CD274: variants seen among roughly 807,000 people sequenced by gnomAD.
CD274 encodes programmed cell death 1 ligand 1.
CD274 carries 8 observed loss-of-function variants against 30.1 expected under a neutral mutation model. The observed-to-expected ratio is 0.27, with a 90% CI of 0.16 to 0.48. The LOEUF is 0.48. Ranked by LOEUF, CD274 falls within the 20% of genes least tolerant of loss-of-function variation. The pLI is 0.99. For synonymous variants in CD274, 152 were observed against 124.6 expected, an observed-to-expected ratio of 1.22 and a Z score of -1.46; for missense variants, 353 against 346.6, an observed-to-expected ratio of 1.02 and a Z score of -0.15.
At position 5,467,742 on chromosome 9, in the gene CD274, C is replaced by G. The variant is rs543609720; in HGVS notation, c.851-98C>G. ...CTCTCATTTCAAATTTATCATTTAT[C>G]ATATCAGCAACTATGAGTTATGTTT... On this transcript the variant is annotated intron_variant, in intron 6 of 6. Transcript: ENST00000381577. The G allele has an allele frequency of 1.4e-5, 13 of 950,130 alleles. No individual in the cohort carries two copies. In the African/African-American group the frequency reaches 1.9e-4, roughly 14 times the overall value. 58.9% of individuals were successfully genotyped at this position (950,130 alleles called of 1,614,324 possible).
chr9:5,459,257 A>C (rs1819361131), intron 3 of CD274, among the ~76,000 whole-genome samples: 2 of 152,194 alleles, frequency 1.3e-5, no homozygotes, highest in Non-Finnish European at 2.9e-5. Context: ...TTGTATTGTA[A>C]ATTACTTAAT....
intron 1 of CD274, among the ~76,000 whole-genome samples, chr9:5,454,849 T>A (rs1268193573): frequency 1.3e-5 from 2 of 152,188 alleles, no homozygotes; most frequent in Non-Finnish European, 2.9e-5. Flanking sequence ...GTCAAGCTCA[T>A]AAGTGAAAAT....
chr9:5,455,689 A>G (rs1819288913), intron 1 of CD274, among the ~76,000 whole-genome samples: 1 of 152,168 alleles, frequency 6.6e-6, no homozygotes, highest in South Asian at 2.1e-4. Context: ...AAAAGCATTG[A>G]CAGGTTGGAA....
chr9:5,460,479 A>T (rs988245372), intron 3 of CD274, among the ~76,000 whole-genome samples: 1 of 152,170 alleles, frequency 6.6e-6, no homozygotes, highest in South Asian at 2.1e-4. Context: ...CTGAAATCTG[A>T]GTGTGTCTTT....
At chr9:5,458,653 G>A (rs190299572) in intron 3 of CD274, among the ~76,000 whole-genome samples, 1 of 152,248 alleles carries the variant, frequency 6.6e-6, no homozygotes, top group Non-Finnish European at 1.5e-5. Context: ...AAATCATGTG[G>A]GGATTAAGAG....
rs1795261668 is a variant in CD274, at chr9:5,468,003, A to G, written c.*141A>G. On this transcript the variant is annotated 3_prime_UTR_variant, in exon 7 of 7. Coordinates refer to ENST00000381577, the MANE Select transcript of CD274 (RefSeq NM_014143.4). ...GGACTTAAAAGGCCCAAGCACTGAA[A>G]ATGGAACCTGGCGAAAGCAGAGGAG... The G allele has an allele frequency of 2.8e-6, 2 of 723,990 alleles. No homozygotes were observed. The highest frequency in any genetic ancestry group is 1.8e-5 in the African/African-American group (1 of 56,120). The allele number at this position is 723,990 out of a possible 1,614,324, so 44.8% of individuals were successfully genotyped here.
chr9:5,453,625 A>AG (rs1819246604), intron 1 of CD274, among the ~76,000 whole-genome samples: 1 of 152,272 alleles, frequency 6.6e-6, no homozygotes, highest in Non-Finnish European at 1.5e-5. Flanking sequence ...CCATGCAGTA[A>AG]GATGGGCAAT....
intron 6 of CD274, among the ~76,000 whole-genome samples, chr9:5,467,305 C>G (rs934027315): frequency 1.3e-5 from 2 of 152,114 alleles, no homozygotes; most frequent in African/African-American, 4.8e-5. Flanking sequence ...CAAGAACACA[C>G]AGCTGATCAC....
chr9:5,456,239 A>G, intron 2 of CD274, 74 bp downstream of exon 2: 1 of 932,650 alleles, frequency 1.1e-6, no homozygotes, highest in Non-Finnish European at 1.7e-6. Context: ...TAAAATGATC[A>G]TTTAAAATGC....
At chr9:5,457,890 T>C (rs1489189941) in intron 3 of CD274, among the ~76,000 whole-genome samples, 1 of 152,176 alleles carries the variant, frequency 6.6e-6, no homozygotes, top group Admixed American at 6.5e-5. Context: ...AGTTTTCCTT[T>C]TTTGAGCCTC....
At chr9:5,466,143 A>T (rs1439171138) in intron 5 of CD274, among the ~76,000 whole-genome samples, 1 of 152,228 alleles carries the variant, frequency 6.6e-6, no homozygotes, top group African/African-American at 2.4e-5. Context: ...GAGTCAGAGT[A>T]AATAATTCCT....
chr9:5,457,177 G>T lies in CD274; in HGVS notation c.151G>T (p.Ala51Ser), dbSNP rs2131211564. Reference protein sequence around the residue: ...KFPVEKQLDLAALIVYWEMED... With the variant: ...KFPVEKQLDLSALIVYWEMED... ...CCCAGTAGAAAAACAATTAGACCTG[G>T]CTGCACTAATTGTCTATTGGGAAAT... Residue 51 changes from alanine to serine, a missense_variant, in exon 3 of 7, where the codon GCT (alanine) becomes TCT (serine). Physicochemically the swap from Ala to Ser is moderately conservative, Grantham distance 99. Coordinates refer to ENST00000381577, the MANE Select transcript of CD274 (RefSeq NM_014143.4). 1.9e-6 allele frequency: 3 copies of T among 1,613,420 alleles called. No individual in the cohort carries two copies. Among genetic ancestry groups the T allele is most frequent in the Non-Finnish European group, 2.5e-6 (3 of 1,179,356 alleles).
intron 3 of CD274, among the ~76,000 whole-genome samples, chr9:5,460,950 A>G (rs1819393570): frequency 6.6e-6 from 1 of 152,234 alleles, no homozygotes; most frequent in Non-Finnish European, 1.5e-5. Flanking sequence ...TACCAGTTAC[A>G]TCTGGTTCAA....
chr9:5,465,639 G>GCAATTAA, intron 5 of CD274, 33 bp downstream of exon 5: 4 of 1,290,080 alleles, frequency 3.1e-6, no homozygotes, highest in South Asian at 1.2e-5. Context: ...GGTCTCCACT[G>GCAATTAA]GGGGTGAGGA....
chr9:5,467,921 C>A lies in CD274; in HGVS notation c.*59C>A, dbSNP rs533751835. Reference sequence around the variant, plus strand: ...ATTCTCAACCTGTGGTTTAGGGGTTCATCGGGGCTGAGCGTGACAAGAGGA... The same window carrying A: ...ATTCTCAACCTGTGGTTTAGGGGTTAATCGGGGCTGAGCGTGACAAGAGGA... On this transcript the variant is annotated 3_prime_UTR_variant, in exon 7 of 7. Coordinates refer to ENST00000381577, the MANE Select transcript of CD274 (RefSeq NM_014143.4). 1.4e-6 allele frequency: 2 copies of A among 1,453,934 alleles called. No individual in the cohort carries two copies. Among genetic ancestry groups the A allele is most frequent in the Non-Finnish European group, 1.9e-6 (2 of 1,033,952 alleles). 90.1% of individuals were successfully genotyped at this position (1,453,934 alleles called of 1,614,324 possible).
At position 5,457,439 on chromosome 9, in the gene CD274, G is replaced by A. The variant is rs1484267825; in HGVS notation, c.394+19G>A. 3 of 1,575,046 alleles carry A rather than the reference G, an allele frequency of 1.9e-6. No homozygotes were observed. The highest frequency in any genetic ancestry group is 2.2e-5 in the East Asian group (1 of 44,612). ...GTCAATGGTAAGAATTATTATAGAT[G>A]AGAGGCCTGATCTTTATTGAAAACA... On this transcript the variant is annotated intron_variant, in intron 3 of 6. Transcript: ENST00000381577.
intron 4 of CD274, among the ~76,000 whole-genome samples, chr9:5,464,946 G>A (rs1393791103): frequency 6.6e-6 from 1 of 152,104 alleles, no homozygotes; most frequent in African/African-American, 2.4e-5. Context: ...AATTAGCTGG[G>A]TGTGGTGGTG....
At chr9:5,459,875 G>A (rs1366579495) in intron 3 of CD274, among the ~76,000 whole-genome samples, 1 of 152,014 alleles carries the variant, frequency 6.6e-6, no homozygotes, top group African/African-American at 2.4e-5. Context: ...CAAATCGACT[G>A]CTGTCATTCC....
chr9:5,456,549 T>G (rs1173395504), intron 2 of CD274, among the ~76,000 whole-genome samples: 2 of 152,226 alleles, frequency 1.3e-5, no homozygotes, highest in African/African-American at 2.4e-5. Flanking sequence ...ATGAGGATAC[T>G]TTAAGGAAGA....
Sources: gnomAD v4.1 joint callset for allele counts (sites outside exome capture counted in the v4.1 genomes callset) on GRCh38, gnomAD v4.1.1 for gene constraint, MANE v1.5 for transcripts, NCBI Gene and HGNC (gene_info 2026-07-23, HGNC 2026-07-21) for gene names.